The following TMEM108 variants were observed in gnomAD, a reference collection of about 807,000 sequenced individuals.
TMEM108 encodes cancer/testis antigen 124.
Under a neutral mutation model 35.1 loss-of-function variants are expected in TMEM108, and 12 were observed. The ratio of observed to expected loss-of-function variants is 0.34; its 90% CI spans 0.22 to 0.55. The LOEUF is 0.55. TMEM108 is among the 20% of genes least tolerant of loss of function. The probability of loss-of-function intolerance (pLI) is 0.89; values close to 1 mark genes in which losing one functional copy is unlikely to be tolerated. For missense variants in TMEM108, 680 were observed against 753.3 expected (o/e 0.90, Z 1.14); for synonymous variants, 287 against 308.6 (o/e 0.93, Z 0.73).
intron 2 of TMEM108, among the ~76,000 whole-genome samples, chr3:133,122,443 G>A (rs1020657344): frequency 2.1e-4 from 32 of 152,102 alleles, no homozygotes; most frequent in African/African-American, 6.8e-4. Context: ...TGTTAGTTAC[G>A]CAGGGATACC....
intron 2 of TMEM108, among the ~76,000 whole-genome samples, chr3:133,153,284 T>G (rs1944828559): frequency 6.6e-6 from 1 of 152,118 alleles, no homozygotes; most frequent in Non-Finnish European, 1.5e-5. Flanking sequence ...AGCCCTAAAA[T>G]TTCATTATAT....
chr3:133,169,972 G>A (rs1945105678), intron 2 of TMEM108, among the ~76,000 whole-genome samples: 1 of 152,122 alleles, frequency 6.6e-6, no homozygotes, highest in Non-Finnish European at 1.5e-5. Context: ...ATTTTCTTGG[G>A]TTCATTAACA....
At chr3:133,210,998 G>A (rs1222333789) in intron 2 of TMEM108, among the ~76,000 whole-genome samples, 1 of 152,170 alleles carries the variant, frequency 6.6e-6, no homozygotes, top group Admixed American at 6.5e-5. Flanking sequence ...GTGGATTCAA[G>A]TGGAATGAGA....
chr3:133,197,653 A>G (rs1384085607), intron 2 of TMEM108, among the ~76,000 whole-genome samples: 1 of 151,934 alleles, frequency 6.6e-6, no homozygotes, highest in Non-Finnish European at 1.5e-5. Flanking sequence ...CTACAACAGA[A>G]AGTAGAAATG....
intron 3 of TMEM108, among the ~76,000 whole-genome samples, chr3:133,282,873 G>A (rs1946934498): frequency 6.6e-6 from 1 of 152,168 alleles, no homozygotes; most frequent in Non-Finnish European, 1.5e-5. Flanking sequence ...CTACTAAGGA[G>A]CAGTTAAAAA....
At chr3:133,227,393 C>G (rs991223445) in intron 2 of TMEM108, among the ~76,000 whole-genome samples, 22 of 148,674 alleles carry the variant, frequency 1.5e-4, no homozygotes, top group Non-Finnish European at 2.4e-4. Flanking sequence ...CGGGGTTTCA[C>G]CGTGTTAGCC....
At chr3:133,161,044 T>C (rs1230956963) in intron 2 of TMEM108, among the ~76,000 whole-genome samples, 1 of 152,182 alleles carries the variant, frequency 6.6e-6, no homozygotes, top group African/African-American at 2.4e-5. Flanking sequence ...TATCGGTTTC[T>C]TGCTTAAAAT....
chr3:133,231,448 GCT>G (rs1946151901), intron 3 of TMEM108, among the ~76,000 whole-genome samples: 1 of 152,148 alleles, frequency 6.6e-6, no homozygotes, highest in Admixed American at 6.6e-5. Context: ...ATGGCTGAGG[GCT>G]CCCTGAGGTC....
chr3:133,091,089 G>A (rs1943941830), intron 2 of TMEM108, among the ~76,000 whole-genome samples: 1 of 152,066 alleles, frequency 6.6e-6, no homozygotes, highest in African/African-American at 2.4e-5. Flanking sequence ...TGTAATTCCT[G>A]TAGAAGTACA....
chr3:133,358,836 T>C (rs1466453668), intron 3 of TMEM108, among the ~76,000 whole-genome samples: 2 of 152,064 alleles, frequency 1.3e-5, no homozygotes, highest in African/African-American at 4.8e-5. Context: ...TGGTGGCAGA[T>C]TAGTTGGGGT....
intron 2 of TMEM108, among the ~76,000 whole-genome samples, chr3:133,101,620 T>G (rs1300837190): frequency 3.3e-5 from 5 of 152,264 alleles, no homozygotes; most frequent in Non-Finnish European, 5.9e-5. Flanking sequence ...GCATGATTTT[T>G]AAATTTAAAA....
chr3:133,137,623 C>T (rs559574201), intron 2 of TMEM108, among the ~76,000 whole-genome samples: 11 of 152,256 alleles, frequency 7.2e-5, no homozygotes, highest in Non-Finnish European at 8.8e-5. Context: ...TAAACTATTA[C>T]AGTTTCTGGC....
chr3:133,321,068 C>T (rs1019165867), intron 3 of TMEM108, among the ~76,000 whole-genome samples: 2 of 152,084 alleles, frequency 1.3e-5, no homozygotes, highest in Admixed American at 6.6e-5. Flanking sequence ...ATAGAATCTT[C>T]TTAAAGCATA....
At chr3:133,183,574 A>G (rs1247618022) in intron 2 of TMEM108, among the ~76,000 whole-genome samples, 1 of 152,164 alleles carries the variant, frequency 6.6e-6, no homozygotes, top group Non-Finnish European at 1.5e-5. Context: ...AAAGAGAATG[A>G]AAAGGGGGTA....
At chr3:133,154,724 C>T (rs191293545) in intron 2 of TMEM108, among the ~76,000 whole-genome samples, 176 of 150,284 alleles carry the variant, frequency 1.2e-3, no homozygotes, top group East Asian at 6.1e-3. Context: ...GGTGGGGGGA[C>T]GGGGAAGGGA....
chr3:133,322,084 G>A (rs1043113099), intron 3 of TMEM108, among the ~76,000 whole-genome samples: 4 of 152,032 alleles, frequency 2.6e-5, no homozygotes, highest in Admixed American at 6.6e-5. Context: ...GTCTGAAAGA[G>A]CACAAAGAGA....
In TMEM108 at chr3:133,345,947, G is replaced by A. The variant is rs553372031; in HGVS notation, c.41-33805G>A. 1.1e-4 allele frequency among the ~76,000 whole-genome samples: 16 copies of A among 151,996 alleles called. No homozygotes were observed. The South Asian group carries it at 1.5e-3, about 14-fold the overall frequency. Reference sequence around the variant, plus strand: ...AGCAATATGTTTAAGGATCTTCCACGTCTTTTTGTGCTTTGATAACTCATT... The same window carrying A: ...AGCAATATGTTTAAGGATCTTCCACATCTTTTTGTGCTTTGATAACTCATT... On this transcript the variant is annotated intron_variant, in intron 3 of 5. Transcript: ENST00000321871.
rs1177564346 is a variant in TMEM108 at position 133,349,160 on chromosome 3, AAATAT to A, written c.41-30587_41-30583del. On this transcript the variant is annotated intron_variant, in intron 3 of 5. Coordinates refer to ENST00000321871, the MANE Select transcript of TMEM108 (RefSeq NM_023943.4). ...ATTTCATTAATAGCCAAAGGAATACAAATATAATACTATTTTTCCCCTTTAAGTTG... is the reference window on the plus strand; with the variant it reads ...ATTTCATTAATAGCCAAAGGAATACAAATACTATTTTTCCCCTTTAAGTTG... 1.5e-3 allele frequency among the ~76,000 whole-genome samples: 225 copies of A among 152,276 alleles called. 1 individual carries two copies. Among genetic ancestry groups the A allele is most frequent in the African/African-American group, 5.3e-3 (219 of 41,572 alleles).
rs1194112461 is a variant in TMEM108, at chr3:133,396,726, C to T, written c.*740C>T. 6.6e-6 allele frequency: 1 copy of T among 152,194 alleles called. No individual in the cohort carries two copies. The highest frequency in any genetic ancestry group is 1.5e-5 in the Non-Finnish European group (1 of 68,048). The allele number at this position is 152,194 out of a possible 1,614,324, so 9.4% of individuals were successfully genotyped here. On this transcript the variant is annotated 3_prime_UTR_variant, in exon 6 of 6. Coordinates refer to ENST00000321871, the MANE Select transcript of TMEM108 (RefSeq NM_023943.4). Reference sequence around the variant, plus strand: ...CCCATTCCTGTATCCCCTCCAACACCCACATCTGCATTAAACACCCGTGCC... The same window carrying T: ...CCCATTCCTGTATCCCCTCCAACACTCACATCTGCATTAAACACCCGTGCC...
Sources: allele counts gnomAD v4.1 joint callset (sites outside exome capture counted in the v4.1 genomes callset), GRCh38; gene constraint gnomAD v4.1.1; transcripts MANE v1.5; gene names NCBI Gene and HGNC (gene_info 2026-07-23, HGNC 2026-07-21).